ADK: variants seen among roughly 807,000 people sequenced by gnomAD.
ADK encodes the protein N6,N6-dimethyladenosine kinase.
Under a neutral mutation model 44.7 loss-of-function variants are expected in ADK, and 24 were observed. The observed-to-expected ratio is 0.54, with a 90% confidence interval of 0.39 to 0.76. The LOEUF is 0.76. ADK is among the 30% of genes least tolerant of loss of function. The pLI is 0.00. For synonymous variants in ADK, 128 were observed against 142.6 expected (o/e 0.90, Z 0.73); for missense variants, 321 against 425.1 (o/e 0.76, Z 2.15).
chr10:74,528,337 GA>G (rs1841658500), intron 7 of ADK: 1 of 183,714 alleles, frequency 5.4e-6, no homozygotes. Flanking sequence ...CATGTAAAAA[GA>G]AGGTGGAAAA....
chr10:74,324,540 T>A (rs1485192511), intron 4 of ADK, among the ~76,000 whole-genome samples: 1 of 152,254 alleles, frequency 6.6e-6, no homozygotes. Context: ...TGTTAACAAG[T>A]TATTCTCCAG....
rs542550831 is a variant in ADK at position 74,265,466 on chromosome 10, G to A, written c.194+40875G>A. 2.2e-3 allele frequency among the ~76,000 whole-genome samples: 337 copies of A among 152,210 alleles called. 2 individuals are homozygous for A. Among genetic ancestry groups the A allele is most frequent in the African/African-American group, 7.7e-3 (319 of 41,534 alleles). On this transcript the variant is annotated intron_variant, in intron 3 of 10. Transcript: ENST00000539909. ...CCTGACCTCGTGATCCACCTGCCTTGGCCTCCAAAAGTGCTGGCTGAGATT... is the reference window on the plus strand; with the variant it reads ...CCTGACCTCGTGATCCACCTGCCTTAGCCTCCAAAAGTGCTGGCTGAGATT...
intron 6 of ADK, among the ~76,000 whole-genome samples, chr10:74,501,591 A>T (rs1847885964): frequency 6.6e-6 from 1 of 152,184 alleles, no homozygotes; most frequent in Admixed American, 6.5e-5. Flanking sequence ...TATGCAAAAA[A>T]ATTGTTATGG....
At chr10:74,700,159 A>G (rs1856363671) in intron 10 of ADK, among the ~76,000 whole-genome samples, 1 of 152,218 alleles carries the variant, frequency 6.6e-6, no homozygotes, top group African/African-American at 2.4e-5. Context: ...AGATTAAACT[A>G]CAGTGTATTT....
chr10:74,639,696 C>T (rs1395444759), intron 9 of ADK, among the ~76,000 whole-genome samples: 1 of 152,018 alleles, frequency 6.6e-6, no homozygotes, highest in Non-Finnish European at 1.5e-5. Flanking sequence ...ATTAGCCGGG[C>T]GTGGTGGCAT....
intron 10 of ADK, among the ~76,000 whole-genome samples, chr10:74,702,179 ATATT>A (rs1339640817): frequency 6.6e-6 from 1 of 151,448 alleles, no homozygotes; most frequent in Non-Finnish European, 1.5e-5. Flanking sequence ...AAAGAACAGA[ATATT>A]TATGTGATTT....
chr10:74,588,233 A>C (rs1027634399), intron 7 of ADK, among the ~76,000 whole-genome samples: 1 of 152,174 alleles, frequency 6.6e-6, no homozygotes, highest in African/African-American at 2.4e-5. Flanking sequence ...GATTCATCTT[A>C]AGAATTAAGG....
intron 4 of ADK, among the ~76,000 whole-genome samples, chr10:74,333,473 T>G (rs1841295145): frequency 6.6e-6 from 1 of 152,186 alleles, no homozygotes; most frequent in Non-Finnish European, 1.5e-5. Context: ...TATTAGAACC[T>G]TACTAAAATG....
intron 6 of ADK, among the ~76,000 whole-genome samples, chr10:74,498,293 G>T (rs1008188580): frequency 6.6e-6 from 1 of 152,152 alleles, no homozygotes; most frequent in African/African-American, 2.4e-5. Context: ...AAATCATTAA[G>T]ATTTTACCAC....
chr10:74,446,969 G>C (rs1002528553), intron 6 of ADK, among the ~76,000 whole-genome samples: 4 of 152,070 alleles, frequency 2.6e-5, no homozygotes, highest in African/African-American at 9.7e-5. Context: ...TCCAGTAATA[G>C]TTTTTGTCAA....
chr10:74,310,358 T>G (rs1840392539), intron 3 of ADK, among the ~76,000 whole-genome samples: 2 of 152,168 alleles, frequency 1.3e-5, no homozygotes, highest in African/African-American at 4.8e-5. Context: ...AGATAAATAT[T>G]TCTTGGTTTG....
chr10:74,173,588 G>A (rs973304409), intron 1 of ADK, among the ~76,000 whole-genome samples: 4 of 151,566 alleles, frequency 2.6e-5, no homozygotes, highest in East Asian at 3.9e-4. Context: ...GTGCCACCGC[G>A]CCCAACTAAT....
chr10:74,245,963 G>A (rs1021280817), intron 3 of ADK, among the ~76,000 whole-genome samples: 11 of 151,976 alleles, frequency 7.2e-5, no homozygotes, highest in Non-Finnish European at 1.3e-4. Context: ...TCATCTCATT[G>A]GAATCTCATA....
intron 1 of ADK, among the ~76,000 whole-genome samples, chr10:74,157,022 G>T (rs911367466): frequency 6.6e-6 from 1 of 152,178 alleles, no homozygotes; most frequent in African/African-American, 2.4e-5. Flanking sequence ...AACTGAAGCT[G>T]GGCTGAGACT....
chr10:74,220,187 T>G (rs972582989), intron 2 of ADK, among the ~76,000 whole-genome samples: 1 of 151,854 alleles, frequency 6.6e-6, no homozygotes, highest in South Asian at 2.1e-4. Context: ...ATAAAGGGGA[T>G]ATCACCACTG....
intron 3 of ADK, among the ~76,000 whole-genome samples, chr10:74,227,995 G>A (rs2132255372): frequency 6.6e-6 from 1 of 152,202 alleles, no homozygotes; most frequent in South Asian, 2.1e-4. Context: ...GGACAGCAGA[G>A]TGAGACCTTG....
chr10:74,356,313 C>T (rs992834965), intron 4 of ADK, among the ~76,000 whole-genome samples: 8 of 151,840 alleles, frequency 5.3e-5, no homozygotes, highest in South Asian at 4.2e-4. Flanking sequence ...CCACCGCGCC[C>T]GGCCAATAAT....
At chr10:74,608,431 T>C (rs148922389) in intron 9 of ADK, among the ~76,000 whole-genome samples, 3,331 of 152,206 alleles carry the variant, frequency 0.022, 129 homozygotes, top group African/African-American at 0.076. Flanking sequence ...GGACATCCTT[T>C]TTGTTGATGT....
intron 1 of ADK, among the ~76,000 whole-genome samples, chr10:74,188,113 G>C (rs1289360006): frequency 2.0e-5 from 3 of 152,128 alleles, no homozygotes; most frequent in Admixed American, 6.5e-5. Flanking sequence ...GTTTTAAGAA[G>C]TTGAATTTTT....
Sources: gnomAD v4.1 joint callset for allele counts (sites outside exome capture counted in the v4.1 genomes callset) on GRCh38, gnomAD v4.1.1 for gene constraint, MANE v1.5 for transcripts, NCBI Gene and HGNC (gene_info 2026-07-23, HGNC 2026-07-21) for gene names.